CDH18: variants seen among roughly 807,000 people sequenced by gnomAD.
CDH18 encodes cadherin-18.
CDH18 carries 31 observed loss-of-function variants against 67.9 expected under a neutral mutation model. The observed-to-expected ratio is 0.46, with a 90% CI of 0.34 to 0.62. The LOEUF is 0.62. CDH18 is among the 20% of genes least tolerant of loss of function. The probability of loss-of-function intolerance (pLI) is 0.01; values close to 1 mark genes in which losing one functional copy is unlikely to be tolerated. For missense variants in CDH18, 890 were observed against 975.5 expected (o/e 0.91, Z 1.17); for synonymous variants, 362 against 347.2 (o/e 1.04, Z -0.48).
At chr5:19,627,653 A>G (rs1192946521) in intron 5 of CDH18, among the ~76,000 whole-genome samples, 6 of 152,370 alleles carry the variant, frequency 3.9e-5, no homozygotes, top group Admixed American at 3.9e-4. Flanking sequence ...TAAAATTTAT[A>G]TAAACATACA....
intron 5 of CDH18, among the ~76,000 whole-genome samples, chr5:19,621,558 A>C (rs1464216512): frequency 6.6e-6 from 1 of 152,182 alleles, no homozygotes; most frequent in Non-Finnish European, 1.5e-5. Context: ...TATGTAATGT[A>C]AAATAAGCCA....
intron 5 of CDH18, among the ~76,000 whole-genome samples, chr5:19,667,088 C>A (rs979116959): frequency 2.6e-5 from 4 of 151,782 alleles, no homozygotes; most frequent in Non-Finnish European, 5.9e-5. Flanking sequence ...GCTTGCCAAA[C>A]ATATTAACAT....
chr5:19,801,473 A>G (rs1777463738), intron 3 of CDH18, among the ~76,000 whole-genome samples: 1 of 152,208 alleles, frequency 6.6e-6, no homozygotes, highest in African/African-American at 2.4e-5. Context: ...TAATTTCAGT[A>G]GCTTTAGAAA....
intron 3 of CDH18, among the ~76,000 whole-genome samples, chr5:19,803,078 TGTTACA>T (rs1456177002): frequency 6.6e-6 from 1 of 152,220 alleles, no homozygotes; most frequent in African/African-American, 2.4e-5. Flanking sequence ...AGCCGGATTC[TGTTACA>T]GTTAAGAAGG....
chr5:19,623,022 T>A (rs952577891), intron 5 of CDH18, among the ~76,000 whole-genome samples: 1 of 152,186 alleles, frequency 6.6e-6, no homozygotes, highest in Admixed American at 6.5e-5. Flanking sequence ...ATACTATATA[T>A]TGTGTACCTA....
intron 2 of CDH18, among the ~76,000 whole-genome samples, chr5:19,895,793 A>C (rs1024907343): frequency 1.3e-5 from 2 of 152,198 alleles, no homozygotes; most frequent in African/African-American, 4.8e-5. Context: ...CTTATATAAC[A>C]TGATTGAAAT....
At chr5:20,571,695 C>T (rs1758830042) in intron 1 of CDH18, among the ~76,000 whole-genome samples, 1 of 152,074 alleles carries the variant, frequency 6.6e-6, no homozygotes, top group Admixed American at 6.6e-5. Flanking sequence ...TTACCATTTT[C>T]ATATTTCCAT....
intron 1 of CDH18, among the ~76,000 whole-genome samples, chr5:20,324,206 C>A (rs1403479560): frequency 6.6e-6 from 1 of 152,156 alleles, no homozygotes; most frequent in Admixed American, 6.5e-5. Context: ...TTTTAGAATA[C>A]AGACTCTAAT....
chr5:19,775,250 G>A (rs1774220306), intron 3 of CDH18, among the ~76,000 whole-genome samples: 1 of 152,192 alleles, frequency 6.6e-6, no homozygotes. Flanking sequence ...AGAGTTGATT[G>A]AAAGTAGTCC....
intron 11 of CDH18, among the ~76,000 whole-genome samples, chr5:19,497,890 C>A (rs1283536801): frequency 6.6e-6 from 1 of 152,160 alleles, no homozygotes; most frequent in Non-Finnish European, 1.5e-5. Flanking sequence ...TACCTACTTA[C>A]ATGCTAGTCA....
intron 3 of CDH18, among the ~76,000 whole-genome samples, chr5:19,775,760 G>T (rs779707043): frequency 2.6e-5 from 4 of 152,086 alleles, no homozygotes; most frequent in Non-Finnish European, 5.9e-5. Context: ...AGCAATATAA[G>T]ACAAATAAGG....
intron 1 of CDH18, among the ~76,000 whole-genome samples, chr5:20,277,772 C>T (rs1745917589): frequency 6.6e-6 from 1 of 151,954 alleles, no homozygotes; most frequent in African/African-American, 2.4e-5. Flanking sequence ...CAAGATAACA[C>T]AGAGAAAGAA....
intron 2 of CDH18, among the ~76,000 whole-genome samples, chr5:20,124,399 A>T (rs567863864): frequency 1.6e-4 from 24 of 152,294 alleles, no homozygotes; most frequent in Non-Finnish European, 5.9e-5. Context: ...AAGTAGGAAA[A>T]CAGGGTCTCT....
intron 1 of CDH18, among the ~76,000 whole-genome samples, chr5:20,297,166 G>T (rs961072960): frequency 6.6e-6 from 1 of 152,122 alleles, no homozygotes; most frequent in Non-Finnish European, 1.5e-5. Context: ...AATTAAAAAT[G>T]TTAGTATATA....
At chr5:19,773,856 A>G (rs921728884) in intron 3 of CDH18, among the ~76,000 whole-genome samples, 3 of 152,228 alleles carry the variant, frequency 2.0e-5, no homozygotes, top group African/African-American at 7.2e-5. Flanking sequence ...TTGCAGTTAA[A>G]GTTAAAAGAA....
intron 5 of CDH18, among the ~76,000 whole-genome samples, chr5:19,624,751 C>T (rs1267519136): frequency 4.6e-5 from 7 of 152,168 alleles, no homozygotes; most frequent in South Asian, 2.1e-4. Context: ...CAGGACCACA[C>T]GTCTCTATGT....
intron 5 of CDH18, among the ~76,000 whole-genome samples, chr5:19,620,333 T>A (rs1295757432): frequency 2.0e-5 from 3 of 152,166 alleles, no homozygotes. Context: ...TATTAGAATG[T>A]GAAAAGAAAA....
At chr5:20,045,309 T>C (rs1420105719) in intron 2 of CDH18, among the ~76,000 whole-genome samples, 1 of 152,156 alleles carries the variant, frequency 6.6e-6, no homozygotes, top group Admixed American at 6.6e-5. Context: ...GGTTGTTGAG[T>C]GTTTCAGTGC....
chr5:19,525,103 A>G (rs533103527), intron 9 of CDH18, among the ~76,000 whole-genome samples: 1 of 152,270 alleles, frequency 6.6e-6, no homozygotes, highest in East Asian at 1.9e-4. Flanking sequence ...GAAGTAAGAA[A>G]CTGTGTTTTC....
Sources: gnomAD v4.1 joint callset for allele counts (sites outside exome capture counted in the v4.1 genomes callset) on GRCh38, gnomAD v4.1.1 for gene constraint, MANE v1.5 for transcripts, NCBI Gene and HGNC (gene_info 2026-07-23, HGNC 2026-07-21) for gene names.